The following ROBO4 variants were observed in gnomAD, a reference collection of about 807,000 sequenced individuals.
The protein encoded by ROBO4 is roundabout guidance receptor 4.
ROBO4 carries 80 observed loss-of-function variants against 103.3 expected under a neutral mutation model. The ratio of observed to expected loss-of-function variants is 0.77; its 90% CI spans 0.65 to 0.93. ROBO4 has a LOEUF of 0.93. Among genes scored for constraint, ROBO4 ranks in the 40% least tolerant of loss-of-function variants. The pLI, the probability that ROBO4 is intolerant of heterozygous loss-of-function variation, is 0.00. For synonymous variants in ROBO4, 504 were observed against 529.7 expected (o/e 0.95, Z 0.67); for missense variants, 1,333 against 1,305.3 (o/e 1.02, Z -0.33).
chr11:124,886,902 A>T, intron 15 of ROBO4, 75 bp downstream of exon 15: 1 of 1,536,736 alleles, frequency 6.5e-7, no homozygotes, highest in South Asian at 1.3e-5. Context: ...CAGTTGAGGG[A>T]GGGCGGAATG....
At position 124,895,932 on chromosome 11, in the gene ROBO4, G is replaced by C. The variant is rs759547099; in HGVS notation, c.680-20C>G. 2 of 1,612,612 alleles carry C rather than the reference G, an allele frequency of 1.2e-6. No homozygotes were observed. Among genetic ancestry groups the C allele is most frequent in the South Asian group, 2.2e-5 (2 of 91,028 alleles). On this transcript the variant is annotated intron_variant, in intron 4 of 17. Coordinates refer to ENST00000306534, the MANE Select transcript of ROBO4 (RefSeq NM_019055.6). Reference sequence around the variant, plus strand: ...GGGGCTCTGTGGGGAGGATAGGGCTGGGCTGGGGCTTATAGGCCAGAGTGA... The same window carrying C: ...GGGGCTCTGTGGGGAGGATAGGGCTCGGCTGGGGCTTATAGGCCAGAGTGA...
intron 2 of ROBO4, 96 bp from the exon 3 acceptor site, chr11:124,896,766 C>T: frequency 6.6e-7 from 1 of 1,519,602 alleles, no homozygotes; most frequent in Non-Finnish European, 8.8e-7. Context: ...ACCTTCCTGG[C>T]CTCCCATTTA....
In ROBO4 at chr11:124,895,839, G is replaced by T; in HGVS notation, c.753C>A (p.Asn251Lys). The part of the protein sequence containing the change: ...RIQLENVTLL[N>K]PDPAEGPKPR... The stretch of plus-strand genomic sequence containing the variant: ...GCTTGGGGCCCTCTGCAGGATCCGG[G>T]TTCAGCAGTGTCACATTTTCCAGCT... Residue 251 changes from asparagine (N) to lysine (K), a missense_variant, in exon 5 of 18, where the codon AAC becomes AAA. Coordinates refer to ENST00000306534, the MANE Select transcript of ROBO4 (RefSeq NM_019055.6). 1 of 1,614,142 alleles carries T rather than the reference G, an allele frequency of 6.2e-7. No homozygotes were observed. Among genetic ancestry groups the T allele is most frequent in the East Asian group, 2.2e-5 (1 of 44,872 alleles).
At chr11:124,889,693 C>T (rs1269507846) in intron 12 of ROBO4, among the ~76,000 whole-genome samples, 2 of 152,054 alleles carry the variant, frequency 1.3e-5, no homozygotes, top group Non-Finnish European at 2.9e-5. Context: ...GGAGAAGAAA[C>T]CCCAACTAAG....
At chr11:124,887,550 G>A (rs374945198) in intron 13 of ROBO4, 51 bp from the exon 14 acceptor site, 38 of 1,608,460 alleles carry the variant, frequency 2.4e-5, no homozygotes, top group Non-Finnish European at 3.1e-5. Flanking sequence ...CATCTGCTCT[G>A]GAGCTCAGCC....
Position 124,884,510 on chromosome 11 carries a change from G to T in ROBO4, c.*381C>A. Reference sequence around the variant, plus strand: ...CTCCTTCCTCCACAGCCCTCTCCCAGCAGCCACTGCTGTCCTCCACAAAGG... The same window carrying T: ...CTCCTTCCTCCACAGCCCTCTCCCATCAGCCACTGCTGTCCTCCACAAAGG... On this transcript the variant is annotated 3_prime_UTR_variant, in exon 18 of 18. Transcript: ENST00000306534. 1 of 275,336 alleles carries T rather than the reference G, an allele frequency of 3.6e-6. No homozygotes were observed. Among genetic ancestry groups the T allele is most frequent in the Non-Finnish European group, 6.9e-6 (1 of 145,974 alleles). The allele number at this position is 275,336 out of a possible 1,614,324, so 17.1% of individuals were successfully genotyped here.
rs758727191 is a variant in ROBO4 at position 124,897,729 on chromosome 11, T to C, written c.67A>G (p.Met23Val). ...CAGGAGAGGGAGAGCAACTCACCCATGATGAGCAGGAGCAGCAGAGGCAGG... is the reference window on the plus strand; with the variant it reads ...CAGGAGAGGGAGAGCAACTCACCCACGATGAGCAGGAGCAGCAGAGGCAGG... ...GSLPLLLLLI[M>V]GGMAQDSPPQ... Residue 23 changes from methionine to valine, a missense_variant, in exon 1 of 18, where the codon ATG (methionine) becomes GTG (valine). By Grantham distance (21) the Met-to-Val change is conservative (BLOSUM62 1). Coordinates refer to ENST00000306534, the MANE Select transcript of ROBO4 (RefSeq NM_019055.6). 4.3e-6 allele frequency: 7 copies of C among 1,613,836 alleles called. No homozygotes were observed. The highest frequency in any genetic ancestry group is 1.1e-5 in the South Asian group (1 of 91,090).
Position 124,885,202 on chromosome 11 carries a change from G to A in ROBO4, c.2840C>T (p.Pro947Leu). ...CTCCCACAGGGGCAGGGAGAGGTTG[G>A]GGGTCAGGAAGATCTCATCCCGTGG... Reference protein sequence around the residue: ...PSPRDEIFLTPNLSLPLWEWR... With the variant: ...PSPRDEIFLTLNLSLPLWEWR... Residue 947 changes from proline to leucine, a missense_variant, in exon 17 of 18, where the codon CCC becomes CTC. Transcript: ENST00000306534. The A allele has an allele frequency of 6.2e-7, 1 of 1,613,702 alleles. No homozygotes were observed.
rs750284216 is a variant in ROBO4 at position 124,897,108 on chromosome 11, A to C, written c.224T>G (p.Val75Gly). Reference protein sequence around the residue: ...WLLNGQPLSMVPPDPHHLLPD... With the variant: ...WLLNGQPLSMGPPDPHHLLPD... ...CAGGAGGTGGTGTGGGTCTGGGGGC[A>C]CCATGCTCAGGGGCTGCCCATTCAG... The change falls in exon 2 of 18, where the codon GTG (valine) becomes GGG (glycine). Residue 75 changes from valine (V) to glycine (G), a missense_variant. Coordinates refer to ENST00000306534, the MANE Select transcript of ROBO4 (RefSeq NM_019055.6). 11 of 1,595,174 alleles carry C rather than the reference A, an allele frequency of 6.9e-6. No homozygotes were observed. In the South Asian group the frequency reaches 9.1e-5, roughly 13 times the overall value.
Position 124,887,818 on chromosome 11 carries a change from G to A in ROBO4, c.1971C>T (p.Ser657=). 6.2e-7 allele frequency: 1 copy of A among 1,613,720 alleles called. No homozygotes were observed. The highest frequency in any genetic ancestry group is 8.5e-7 in the Non-Finnish European group (1 of 1,179,862). Residue 657 remains serine (S), a synonymous_variant, in exon 13 of 18, where the codon TCC becomes TCT. Coordinates refer to ENST00000306534, the MANE Select transcript of ROBO4 (RefSeq NM_019055.6). ...KKQELQHANS[S]PLLRGSHSLE... is the part of the protein sequence containing the mutation. Reference sequence around the variant, plus strand: ...AGGAGTGGCTGCCCCGGAGCAGTGGGGAACTGTTGGCATGCTGCAGCTCTG... The same window carrying A: ...AGGAGTGGCTGCCCCGGAGCAGTGGAGAACTGTTGGCATGCTGCAGCTCTG...
chr11:124,892,038 G>A, intron 10 of ROBO4: 1 of 695,282 alleles, frequency 1.4e-6, no homozygotes, highest in Admixed American at 2.0e-5. Context: ...AGAGCTGGGA[G>A]GTAGTAATGA....
intron 2 of ROBO4, 123 bp from the exon 3 acceptor site, chr11:124,896,793 A>C (rs1946900673): frequency 6.6e-7 from 1 of 1,510,598 alleles, no homozygotes; most frequent in Admixed American, 2.0e-5. Context: ...GCCCCGCCCC[A>C]GCTTGCCCTC....
At chr11:124,895,712 G>T (rs1484937085) in intron 5 of ROBO4, 27 bp from the exon 6 acceptor site, 1 of 1,611,522 alleles carries the variant, frequency 6.2e-7, no homozygotes, top group Admixed American at 1.7e-5. Flanking sequence ...AGGAAGGGCG[G>T]GGGGTCAGAG....
chr11:124,884,979 G>T, intron 17 of ROBO4, 62 bp downstream of exon 17: 1 of 1,613,762 alleles, frequency 6.2e-7, no homozygotes, highest in Admixed American at 1.7e-5. Context: ...GCTTCCTCCT[G>T]GCTTCTTCCC....
intron 12 of ROBO4, 130 bp from the exon 13 acceptor site, chr11:124,887,970 C>T (rs942596885): frequency 1.2e-5 from 8 of 686,398 alleles, no homozygotes; most frequent in Non-Finnish European, 1.9e-5. Flanking sequence ...GGGGAACCCC[C>T]TGAATCCCCT....
chr11:124,895,232 G>A lies in ROBO4; in HGVS notation c.1037-39C>T, dbSNP rs766527048. ...AGAGAGACTATGAGGGGCTCTGAGGGAGAGGACTCTAGGGAAAGGAGCTGG... is the reference window on the plus strand; with the variant it reads ...AGAGAGACTATGAGGGGCTCTGAGGAAGAGGACTCTAGGGAAAGGAGCTGG... On this transcript the variant is annotated intron_variant, in intron 6 of 17. Coordinates refer to ENST00000306534, the MANE Select transcript of ROBO4 (RefSeq NM_019055.6). 3.3e-6 allele frequency: 5 copies of A among 1,501,318 alleles called. No individual in the cohort carries two copies. The South Asian group carries it at 5.7e-5, about 17-fold the overall frequency. 93.0% of individuals were successfully genotyped at this position (1,501,318 alleles called of 1,614,324 possible). A position where few individuals can be genotyped will look rare whatever the true frequency, so the allele number is the denominator to read the frequency against.
chr11:124,887,963 G>A, intron 12 of ROBO4, 123 bp from the exon 13 acceptor site: 3 of 728,882 alleles, frequency 4.1e-6, no homozygotes, highest in Non-Finnish European at 6.7e-6. Context: ...AAAAGAGGGG[G>A]AACCCCCTGA....
chr11:124,887,274 C>A (rs1202816021), intron 14 of ROBO4, 61 bp from the exon 15 acceptor site: 10 of 1,598,920 alleles, frequency 6.3e-6, no homozygotes, highest in East Asian at 2.2e-5. Context: ...TCCTTTCCCC[C>A]CTTCCCCAGC....
chr11:124,887,628 C>A, intron 13 of ROBO4, 105 bp downstream of exon 13: 4 of 1,529,084 alleles, frequency 2.6e-6, no homozygotes, highest in Non-Finnish European at 3.6e-6. Flanking sequence ...TCAGCCTCCT[C>A]AGGGAAAGGA....
Sources: allele counts gnomAD v4.1 joint callset (sites outside exome capture counted in the v4.1 genomes callset), GRCh38; gene constraint gnomAD v4.1.1; transcripts MANE v1.5; gene names NCBI Gene and HGNC (gene_info 2026-07-23, HGNC 2026-07-21).